PSMA6: variants seen among roughly 807,000 people sequenced by gnomAD.
PSMA6 encodes proteasome 20S subunit alpha 6.
For missense variants in PSMA6, 170 were observed against 294.8 expected (o/e 0.58, Z 3.10); for synonymous variants, 88 against 97.7 (o/e 0.90, Z 0.59).
chr14:35,301,371 G>A (rs1376277088), intron 1 of PSMA6, among the ~76,000 whole-genome samples: 2 of 152,080 alleles, frequency 1.3e-5, no homozygotes, highest in Non-Finnish European at 2.9e-5. Flanking sequence ...GCTGGGTGTG[G>A]TGGTGTGTGC....
chr14:35,305,146 C>CT (rs57226520), intron 1 of PSMA6, among the ~76,000 whole-genome samples: 50,726 of 143,910 alleles, frequency 0.35, 9,247 homozygotes, highest in Non-Finnish European at 0.42. Flanking sequence ...TCTTTTGTTT[C>CT]TTTTTTTTTT....
chr14:35,291,608 G>A (rs2051481502), upstream of PSMA6, among the ~76,000 whole-genome samples: 1 of 151,962 alleles, frequency 6.6e-6, no homozygotes, highest in Non-Finnish European at 1.5e-5. Flanking sequence ...TGGATCACTT[G>A]GGCTCAGGAG....
intron 3 of PSMA6, chr14:35,310,252 G>T (rs545835923): frequency 2.3e-6 from 1 of 428,206 alleles, no homozygotes; most frequent in Non-Finnish European, 4.6e-6. Context: ...CGCCTCCTGG[G>T]TTCAAGCAAT....
intron 4 of PSMA6, chr14:35,312,609 G>A: frequency 5.1e-6 from 2 of 395,444 alleles, no homozygotes; most frequent in Non-Finnish European, 8.9e-6. Context: ...ATAACAGCAA[G>A]GATTGGAAAC....
chr14:35,294,807 T>TAA (rs1002294735), intron 1 of PSMA6, among the ~76,000 whole-genome samples: 1 of 152,096 alleles, frequency 6.6e-6, no homozygotes, highest in African/African-American at 2.4e-5. Context: ...TACATAATCA[T>TAA]AATATTCTAA....
chr14:35,285,817 C>T (rs2051416539), intron 1 of PSMA6, among the ~76,000 whole-genome samples: 1 of 152,190 alleles, frequency 6.6e-6, no homozygotes, highest in African/African-American at 2.4e-5. Context: ...TCTTGCAGTT[C>T]CATCCCCCAT....
chr14:35,297,341 G>C (rs1189348113), intron 1 of PSMA6, among the ~76,000 whole-genome samples: 2 of 151,664 alleles, frequency 1.3e-5, no homozygotes, highest in Non-Finnish European at 2.9e-5. Flanking sequence ...TCAGCCTCCT[G>C]AGTAGCTGGG....
upstream of PSMA6, among the ~76,000 whole-genome samples, chr14:35,291,838 A>AC (rs1291692855): frequency 2.0e-5 from 3 of 150,850 alleles, no homozygotes; most frequent in South Asian, 2.1e-4. Context: ...AAAAAAAAAA[A>AC]AAAAAAAAAG....
At chr14:35,307,157 AAG>A (rs1210835507) in intron 1 of PSMA6, among the ~76,000 whole-genome samples, 1 of 152,178 alleles carries the variant, frequency 6.6e-6, no homozygotes, top group African/African-American at 2.4e-5. Flanking sequence ...CAAAAAAGAA[AAG>A]AGTCATATGT....
At position 35,310,852 on chromosome 14, in the gene PSMA6, T is replaced by C. The variant is rs759006015; in HGVS notation, c.366T>C (p.Ser122=). ...DMLCKRIADI[S]QVYTQNAEMR... Reference sequence around the variant, plus strand: ...TGTGTAAAAGAATTGCCGATATTTCTCAGGTCTACACACAGAATGCTGAAA... The same window carrying C: ...TGTGTAAAAGAATTGCCGATATTTCCCAGGTCTACACACAGAATGCTGAAA... The change falls in exon 4 of 7, where the codon TCT becomes TCC. Residue 122 remains serine, a synonymous_variant. Transcript: ENST00000261479. 1.2e-6 allele frequency: 2 copies of C among 1,613,906 alleles called. No homozygotes were observed. The highest frequency in any genetic ancestry group is 1.1e-5 in the South Asian group (1 of 91,072).
rs2051634907 is a variant in PSMA6 at position 35,298,152 on chromosome 14, G to T, written c.76+5600G>T. Among the ~76,000 whole-genome samples, 3 of 152,030 alleles carry T rather than the reference G, an allele frequency of 2.0e-5. No individual in the cohort carries two copies. In the South Asian group the frequency reaches 6.2e-4, roughly 32 times the overall value. On this transcript the variant is annotated intron_variant, in intron 1 of 6. Transcript: ENST00000261479. The stretch of plus-strand genomic sequence containing the variant: ...GTATTTAAGATTTAGAAAATTGGGG[G>T]CTTGGAGTCGAGTTTAATGCATTAT...
chr14:35,303,619 A>G (rs2051762544), intron 1 of PSMA6, among the ~76,000 whole-genome samples: 1 of 152,028 alleles, frequency 6.6e-6, no homozygotes, highest in South Asian at 2.1e-4. Flanking sequence ...AGTACTTTTT[A>G]TTTGTGGAGG....
rs200184285 is a variant in PSMA6 at position 35,312,506 on chromosome 14, C to CAAA, written c.410-351_410-349dup. On this transcript the variant is annotated intron_variant, in intron 4 of 6. Coordinates refer to ENST00000261479, the MANE Select transcript of PSMA6 (RefSeq NM_002791.3). ...TGGGAGACAGAGCGAGAGTCTGTCT[C>CAAA]AAAAAAAAAAAAAAAAAAAAAAAAA... Among the ~76,000 whole-genome samples, 277 of 100,206 alleles carry CAAA rather than the reference C, an allele frequency of 2.8e-3. 13 individuals are homozygous for CAAA. The highest frequency in any genetic ancestry group is 5.6e-3 in the Middle Eastern group (1 of 180). The allele number at this position is 100,206 out of a possible 152,430, so 65.7% of individuals were successfully genotyped here.
chr14:35,310,346 G>A (rs952708613), intron 3 of PSMA6: 3 of 351,850 alleles, frequency 8.5e-6, no homozygotes, highest in South Asian at 6.3e-5. Flanking sequence ...AGTAGAGACA[G>A]GATTTAGCCA....
At chr14:35,282,590 A>G (rs2051377958) in intron 1 of PSMA6, among the ~76,000 whole-genome samples, 1 of 152,072 alleles carries the variant, frequency 6.6e-6, no homozygotes, top group Non-Finnish European at 1.5e-5. Flanking sequence ...GCAATGATTA[A>G]AATGATACTT....
chr14:35,301,565 T>C (rs915233425), intron 1 of PSMA6, among the ~76,000 whole-genome samples: 8 of 152,186 alleles, frequency 5.3e-5, no homozygotes, highest in African/African-American at 1.9e-4. Context: ...TTTTATGTGC[T>C]CAATAGCCAC....
chr14:35,282,765 G>A (rs530900615), intron 1 of PSMA6, among the ~76,000 whole-genome samples: 11 of 152,008 alleles, frequency 7.2e-5, no homozygotes, highest in African/African-American at 2.4e-4. Flanking sequence ...TGAGGTAGGA[G>A]GATTGCTTGA....
At chr14:35,282,259 C>T (rs566461359) in intron 1 of PSMA6, among the ~76,000 whole-genome samples, 30 of 152,022 alleles carry the variant, frequency 2.0e-4, no homozygotes, top group Non-Finnish European at 4.1e-4. Flanking sequence ...TTTTTTGAGA[C>T]AGGGTCCTGC....
At chr14:35,295,408 G>A (rs2051564650) in intron 1 of PSMA6, among the ~76,000 whole-genome samples, 1 of 150,028 alleles carries the variant, frequency 6.7e-6, no homozygotes, top group Non-Finnish European at 1.5e-5. Context: ...ACATATTATT[G>A]GCAGTGTTTG....
Sources: allele counts gnomAD v4.1 joint callset (sites outside exome capture counted in the v4.1 genomes callset), GRCh38; gene constraint gnomAD v4.1.1; transcripts MANE v1.5; gene names NCBI Gene and HGNC (gene_info 2026-07-23, HGNC 2026-07-21).